Variants in EFCAB13 observed in about 807,000 individuals in gnomAD.
EFCAB13 encodes EF-hand calcium binding domain 13, also known as EF-hand calcium-binding domain-containing protein 13.
In EFCAB13, 91 loss-of-function variants were observed where a neutral mutation model predicts 110.2. That is an observed-to-expected ratio of 0.83 (90% CI 0.70 to 0.98). The LOEUF is 0.98. Among genes scored for constraint, EFCAB13 ranks in the 50% least tolerant of loss-of-function variants. EFCAB13 has a pLI of 0.00. For synonymous variants in EFCAB13, 323 were observed against 369.9 expected, an observed-to-expected ratio of 0.87 and a Z score of 1.45; for missense variants, 968 against 1,119.4, an observed-to-expected ratio of 0.86 and a Z score of 1.93.
At chr17:47,336,227 AG>A (rs553212604) in intron 5 of EFCAB13, among the ~76,000 whole-genome samples, 4 of 151,866 alleles carry the variant, frequency 2.6e-5, no homozygotes, top group African/African-American at 7.3e-5. Flanking sequence ...CCTGGGTTCA[AG>A]TGATTCTTCT....
intron 24 of EFCAB13, among the ~76,000 whole-genome samples, chr17:47,437,212 C>CCACA (rs1254172004): frequency 7.2e-5 from 11 of 152,028 alleles, no homozygotes; most frequent in African/African-American, 2.7e-4. Flanking sequence ...ATTCCATGAG[C>CCACA]TGTGAATAGA....
At chr17:47,414,174 A>T (rs904385536) in intron 22 of EFCAB13, among the ~76,000 whole-genome samples, 16 of 152,130 alleles carry the variant, frequency 1.1e-4, no homozygotes, top group Non-Finnish European at 2.4e-4. Context: ...TCTCCTTAAT[A>T]TAATTATAGC....
chr17:47,349,957 G>C (rs1239974686), intron 9 of EFCAB13, among the ~76,000 whole-genome samples: 4 of 151,412 alleles, frequency 2.6e-5, no homozygotes, highest in African/African-American at 9.7e-5. Context: ...TGTATTTTTA[G>C]TAGAGACGGG....
chr17:47,413,654 C>T (rs1904326373), intron 22 of EFCAB13, among the ~76,000 whole-genome samples: 1 of 152,122 alleles, frequency 6.6e-6, no homozygotes, highest in Non-Finnish European at 1.5e-5. Flanking sequence ...TCAGTTTTCT[C>T]ACATCATCAG....
At chr17:47,337,674 C>A (rs936213224) in intron 5 of EFCAB13, among the ~76,000 whole-genome samples, 2 of 152,050 alleles carry the variant, frequency 1.3e-5, no homozygotes, top group African/African-American at 4.8e-5. Context: ...TTGAGGACTG[C>A]AGCCTGGGAA....
intron 6 of EFCAB13, among the ~76,000 whole-genome samples, chr17:47,342,902 T>C (rs557863521): frequency 6.6e-6 from 1 of 152,318 alleles, no homozygotes; most frequent in African/African-American, 2.4e-5. Flanking sequence ...TAATCTACAG[T>C]TTAACCTTTC....
At chr17:47,357,726 A>G (rs898319046) in intron 9 of EFCAB13, among the ~76,000 whole-genome samples, 7 of 152,204 alleles carry the variant, frequency 4.6e-5, no homozygotes, top group African/African-American at 1.4e-4. Flanking sequence ...CAAAACATAA[A>G]TTATATGTAT....
chr17:47,390,914 G>GTCTTATCTATCTGTCTA lies in EFCAB13; in HGVS notation c.1583-520_1583-519insTATCTATCTGTCTATCT, dbSNP rs150041083. Reference sequence around the variant, plus strand: ...TATATATGTGTATGTGTGTCTGTCTGTCTATCTATCTATCTGTCTATCTAT... The same window carrying GTCTTATCTATCTGTCTA: ...TATATATGTGTATGTGTGTCTGTCTGTCTTATCTATCTGTCTATCTATCTATCTATCTGTCTATCTAT... On this transcript the variant is annotated intron_variant, in intron 14 of 24. Transcript: ENST00000331493. 4.2e-3 allele frequency among the ~76,000 whole-genome samples: 634 copies of GTCTTATCTATCTGTCTA among 150,242 alleles called. 4 individuals carry two copies. Among genetic ancestry groups the GTCTTATCTATCTGTCTA allele is most frequent in the South Asian group, 0.014 (68 of 4,716 alleles).
In EFCAB13 at chr17:47,402,118, GT is replaced by G; in HGVS notation, c.1946-8del. 6.2e-7 allele frequency: 1 copy of G among 1,613,038 alleles called. No individual in the cohort carries two copies. The highest frequency in any genetic ancestry group is 8.5e-7 in the Non-Finnish European group (1 of 1,179,162). ...GTAATGAGGTTGGTCTATTAAAAGT[GT>G]TTTTTCTCACAGAAGGTGACAAAGT... is the stretch of plus-strand genomic sequence containing the variant. On this transcript the variant is annotated splice_polypyrimidine_tract_variant and intron_variant, in intron 17 of 24. Transcript: ENST00000331493.
chr17:47,342,284 TA>T (rs1172181628), intron 6 of EFCAB13, among the ~76,000 whole-genome samples: 1 of 152,174 alleles, frequency 6.6e-6, no homozygotes, highest in Non-Finnish European at 1.5e-5. Context: ...TTGTCTTTTT[TA>T]CTGTGCTCTC....
At position 47,338,512 on chromosome 17, in the gene EFCAB13, A is replaced by C. The variant is rs554552374; in HGVS notation, c.191+3156A>C. On this transcript the variant is annotated intron_variant, in intron 5 of 24. Coordinates refer to ENST00000331493, the MANE Select transcript of EFCAB13 (RefSeq NM_152347.5). ...CAGTCCTGCCACTTTGGCCTCCCAA[A>C]GTGCTGGGATTACAGGTGAGAGCCA... Among the ~76,000 whole-genome samples, 99 of 151,896 alleles carry C rather than the reference A, an allele frequency of 6.5e-4. 1 individual carries two copies. The highest frequency in any genetic ancestry group is 1.5e-5 in the Non-Finnish European group (1 of 67,966).
At chr17:47,369,634 T>C (rs2065570223) in intron 10 of EFCAB13, 1 of 152,642 alleles carries the variant, frequency 6.6e-6, no homozygotes, top group East Asian at 1.9e-4. Flanking sequence ...CACTTATGCA[T>C]ATTATTGAAC....
At chr17:47,387,424 T>C (rs914334962) in intron 14 of EFCAB13, among the ~76,000 whole-genome samples, 9 of 152,234 alleles carry the variant, frequency 5.9e-5, no homozygotes, top group Non-Finnish European at 1.2e-4. Flanking sequence ...TCTACTAGGA[T>C]TGCATTGCAG....
At chr17:47,409,730 T>C in intron 21 of EFCAB13, 39 bp downstream of exon 21, 3 of 1,463,144 alleles carry the variant, frequency 2.1e-6, no homozygotes, top group Non-Finnish European at 2.9e-6. Flanking sequence ...TTTTCAATAA[T>C]AAGAGATATT....
intron 4 of EFCAB13, 121 bp downstream of exon 4, chr17:47,328,504 C>T (rs1286709416): frequency 2.7e-6 from 2 of 746,350 alleles, no homozygotes; most frequent in Non-Finnish European, 4.4e-6. Context: ...GGAACCTGGC[C>T]AAGTAACTGA....
At chr17:47,402,292 A>T (rs1396155054) in intron 18 of EFCAB13, 89 bp downstream of exon 18, 1 of 1,196,312 alleles carries the variant, frequency 8.4e-7, no homozygotes, top group Non-Finnish European at 1.2e-6. Flanking sequence ...GTGTTCACCT[A>T]ATTTCTGGTT....
intron 7 of EFCAB13, among the ~76,000 whole-genome samples, chr17:47,344,767 C>T (rs923008414): frequency 6.6e-6 from 1 of 152,034 alleles, no homozygotes; most frequent in African/African-American, 2.4e-5. Context: ...AAAAATTGGA[C>T]CACAGTCGAA....
At chr17:47,350,600 T>TG (rs1838275719) in intron 9 of EFCAB13, among the ~76,000 whole-genome samples, 1 of 144,358 alleles carries the variant, frequency 6.9e-6, no homozygotes, top group African/African-American at 2.5e-5. Flanking sequence ...TGTGTGTGTG[T>TG]GTTTTTTTTT....
rs557528276 is a variant in EFCAB13, at chr17:47,374,060, GTAAT to G, written c.878-409_878-406del. Among the ~76,000 whole-genome samples the G allele has an allele frequency of 4.6e-4, 70 of 152,216 alleles. No individual in the cohort carries two copies. In the South Asian group the frequency reaches 0.015, roughly 32 times the overall value. ...ACAAATACCAAGAATATTTAGGAGA[GTAAT>G]TACTTAAGTTCTAATTTTATAAATA... On this transcript the variant is annotated intron_variant, in intron 11 of 24. Transcript: ENST00000331493.
Sources: gnomAD v4.1 joint callset for allele counts (sites outside exome capture counted in the v4.1 genomes callset) on GRCh38, gnomAD v4.1.1 for gene constraint, MANE v1.5 for transcripts, NCBI Gene and HGNC (gene_info 2026-07-23, HGNC 2026-07-21) for gene names.